Variants in IL1RAPL2 observed in about 807,000 individuals in gnomAD.
IL1RAPL2 encodes interleukin 1 receptor accessory protein like 2.
In IL1RAPL2, 3 loss-of-function variants were observed where a neutral mutation model predicts 44.1. The observed-to-expected ratio is 0.07, with a 90% confidence interval of 0.03 to 0.18. The LOEUF (loss-of-function observed/expected upper bound fraction) is 0.18. Among genes scored for constraint, IL1RAPL2 ranks in the 10% least tolerant of loss-of-function variants. The pLI, the probability that IL1RAPL2 is intolerant of heterozygous loss-of-function variation, is 1.00. For synonymous variants in IL1RAPL2, 181 were observed against 178.8 expected (o/e 1.01, Z -0.10); for missense variants, 391 against 496.4 (o/e 0.79, Z 2.02).
intron 1 of IL1RAPL2, among the ~76,000 whole-genome samples, chrX:104,638,002 C>G (rs1929859517): frequency 1.8e-5 from 2 of 110,926 alleles, no homozygotes; most frequent in Non-Finnish European, 3.8e-5. Context: ...TTGGATGTTT[C>G]TTTTTTGGGA....
At position 105,670,142 on chromosome X, in the gene IL1RAPL2, T is replaced by TAAAA. The variant is rs1556379306; in HGVS notation, c.773-47224_773-47223insAAAA. Among the ~76,000 whole-genome samples the TAAAA allele has an allele frequency of 7.7e-4, 41 of 52,975 alleles. 2 individuals are homozygous for TAAAA. The highest frequency in any genetic ancestry group is 3.0e-3 in the African/African-American group (40 of 13,469). 46.0% of individuals were successfully genotyped at this position (52,975 alleles called of 115,157 possible). On this transcript the variant is annotated intron_variant, in intron 6 of 10. Coordinates refer to ENST00000372582, the MANE Select transcript of IL1RAPL2 (RefSeq NM_017416.2). ...ATATATATATATATATATATATATA[T>TAAAA]ATATATCTCCACCAGACCACACAGT... is the stretch of plus-strand genomic sequence containing the variant.
chrX:105,361,964 A>G (rs1412729740), intron 5 of IL1RAPL2, among the ~76,000 whole-genome samples: 3 of 111,575 alleles, frequency 2.7e-5, no homozygotes, highest in Non-Finnish European at 3.8e-5. Context: ...GCTCTTTTGT[A>G]TGATACCCAT....
intron 2 of IL1RAPL2, among the ~76,000 whole-genome samples, chrX:104,759,964 T>C (rs771867272): frequency 1.8e-5 from 2 of 111,996 alleles, no homozygotes; most frequent in East Asian, 5.7e-4. Flanking sequence ...CAACACTTCC[T>C]TGCTTCTGGT....
At chrX:104,585,512 G>C (rs1247051465) in intron 1 of IL1RAPL2, among the ~76,000 whole-genome samples, 2 of 89,981 alleles carry the variant, frequency 2.2e-5, no homozygotes, top group Non-Finnish European at 4.3e-5. Context: ...TTGTGCCATG[G>C]AGGTTTGTTG....
intron 2 of IL1RAPL2, among the ~76,000 whole-genome samples, chrX:105,010,281 A>G (rs1409380894): frequency 9.0e-6 from 1 of 111,236 alleles, no homozygotes; most frequent in Non-Finnish European, 1.9e-5. Context: ...CTCCTATTTT[A>G]TTACCTACTG....
rs1194148816 is a variant in IL1RAPL2, at chrX:104,901,199, CTTTTTTTTTTTT to C, written c.82+242222_82+242233del. ...AGGAGTTGGTTGCTTTCTTTTGCTT[CTTTTTTTTTTTT>C]TTTTTTTTTTTTTTTTTGAGACGGA... On this transcript the variant is annotated intron_variant, in intron 2 of 10. Transcript: ENST00000372582. Among the ~76,000 whole-genome samples the C allele has an allele frequency of 6.5e-3, 210 of 32,124 alleles. 1 individual carries two copies. The highest frequency in any genetic ancestry group is 0.027 in the African/African-American group (200 of 7,456). 27.9% of individuals were successfully genotyped at this position (32,124 alleles called of 115,157 possible). A position where few individuals can be genotyped will look rare whatever the true frequency, so the allele number is the denominator to read the frequency against.
intron 1 of IL1RAPL2, among the ~76,000 whole-genome samples, chrX:104,640,333 C>T (rs1189172694): frequency 2.7e-5 from 3 of 111,707 alleles, no homozygotes; most frequent in South Asian, 7.4e-4. Flanking sequence ...GAATTTCTGA[C>T]TGGTTCCTTT....
chrX:104,892,831 C>T (rs1398559290), intron 2 of IL1RAPL2, among the ~76,000 whole-genome samples: 4 of 111,702 alleles, frequency 3.6e-5, no homozygotes, highest in African/African-American at 1.3e-4. Context: ...TTGCCTTCTG[C>T]TAGCTTTTGA....
At chrX:105,515,231 C>T (rs1053314171) in intron 6 of IL1RAPL2, among the ~76,000 whole-genome samples, 8 of 111,724 alleles carry the variant, frequency 7.2e-5, no homozygotes, top group African/African-American at 2.6e-4. Context: ...TCAAAAGACA[C>T]TCATACTACA....
At chrX:104,816,860 G>A (rs1415578257) in intron 2 of IL1RAPL2, among the ~76,000 whole-genome samples, 1 of 112,361 alleles carries the variant, frequency 8.9e-6, no homozygotes, top group Non-Finnish European at 1.9e-5. Context: ...TTGCATCACA[G>A]GGAGATTTTC....
intron 2 of IL1RAPL2, among the ~76,000 whole-genome samples, chrX:104,692,779 A>G (rs1406482835): frequency 9.0e-6 from 1 of 111,478 alleles, no homozygotes; most frequent in Non-Finnish European, 1.9e-5. Flanking sequence ...AGTCTTTGCT[A>G]TTGTGAATAG....
intron 1 of IL1RAPL2, among the ~76,000 whole-genome samples, chrX:104,600,663 C>G (rs189530353): frequency 9.1e-6 from 1 of 110,421 alleles, no homozygotes; most frequent in Non-Finnish European, 1.9e-5. Flanking sequence ...TCAACACTTG[C>G]CCCATTCCCT....
chrX:104,995,057 C>T (rs754282784), intron 2 of IL1RAPL2, among the ~76,000 whole-genome samples: 3 of 111,173 alleles, frequency 2.7e-5, no homozygotes, highest in African/African-American at 9.8e-5. Flanking sequence ...CTCAGAGAGG[C>T]CTTCCCTGAC....
chrX:105,755,463 T>G (rs1434912549), intron 10 of IL1RAPL2, 116 bp downstream of exon 10: 1 of 514,722 alleles, frequency 1.9e-6, no homozygotes, highest in African/African-American at 2.4e-5. Flanking sequence ...TAGAGTTTCT[T>G]AAATCCAAAT....
intron 2 of IL1RAPL2, among the ~76,000 whole-genome samples, chrX:105,012,370 T>C (rs1206940970): frequency 9.0e-6 from 1 of 110,500 alleles, no homozygotes; most frequent in African/African-American, 3.3e-5. Context: ...TACAATTCTA[T>C]GGCAAGGAAG....
At chrX:105,432,284 A>T (rs1287814338) in intron 5 of IL1RAPL2, among the ~76,000 whole-genome samples, 1 of 109,667 alleles carries the variant, frequency 9.1e-6, no homozygotes, top group African/African-American at 3.3e-5. Flanking sequence ...ATTTGCTCTA[A>T]GGTGTTAATG....
chrX:105,075,607 A>G (rs1195789035), intron 2 of IL1RAPL2, among the ~76,000 whole-genome samples: 1 of 112,140 alleles, frequency 8.9e-6, no homozygotes, highest in East Asian at 2.8e-4. Flanking sequence ...GAATAGTTTC[A>G]GAAGGAATGG....
intron 2 of IL1RAPL2, among the ~76,000 whole-genome samples, chrX:105,049,121 G>A (rs184338191): frequency 9.2e-6 from 1 of 108,373 alleles, no homozygotes; most frequent in Non-Finnish European, 1.9e-5. Flanking sequence ...AGAGAGTACT[G>A]AAAATTCAGT....
chrX:104,717,706 A>G (rs1381612209), intron 2 of IL1RAPL2, among the ~76,000 whole-genome samples: 3 of 108,795 alleles, frequency 2.8e-5, no homozygotes, highest in Non-Finnish European at 5.7e-5. Flanking sequence ...GGTGTGCTGC[A>G]CCCATTAACT....
Sources: gnomAD v4.1 joint callset for allele counts (sites outside exome capture counted in the v4.1 genomes callset) on GRCh38, gnomAD v4.1.1 for gene constraint, MANE v1.5 for transcripts, NCBI Gene and HGNC (gene_info 2026-07-23, HGNC 2026-07-21) for gene names.